Variants in ZNF91 observed in about 807,000 individuals in gnomAD.
The protein encoded by ZNF91 is zinc finger protein 91.
In ZNF91, 7 loss-of-function variants were observed where a neutral mutation model predicts 12.6. That is an observed-to-expected ratio of 0.55 (90% CI 0.31 to 1.04). The LOEUF is 1.04. Among genes scored for constraint, ZNF91 ranks in the 50% least tolerant of loss-of-function variants. ZNF91 has a pLI of 0.05. For synonymous variants in ZNF91, 453 were observed against 462.6 expected, an observed-to-expected ratio of 0.98 and a Z score of 0.27; for missense variants, 1,217 against 1,385.4, an observed-to-expected ratio of 0.88 and a Z score of 1.93.
downstream of ZNF91, chr19:23,338,632 C>A (rs1968060676): frequency 6.7e-6 from 1 of 150,320 alleles, no homozygotes; most frequent in Non-Finnish European, 1.5e-5. Flanking sequence ...CACAACATGA[C>A]AGAATTTTAT....
chr19:23,315,375 G>C (rs1449948135), upstream of ZNF91, among the ~76,000 whole-genome samples: 1 of 152,180 alleles, frequency 6.6e-6, no homozygotes, highest in Non-Finnish European at 1.5e-5. Context: ...TCTGCCCATA[G>C]AAGAGATAGT....
chr19:23,324,527 A>ATATACG (rs1344222213), intron 1 of ZNF91: 2 of 151,260 alleles, frequency 1.3e-5, no homozygotes, highest in East Asian at 1.9e-4. Flanking sequence ...GTATATATAT[A>ATATACG]TATATACGTA....
intron 3 of ZNF91, among the ~76,000 whole-genome samples, chr19:23,348,065 T>A (rs1328462698): frequency 2.6e-5 from 4 of 152,150 alleles, no homozygotes; most frequent in African/African-American, 9.7e-5. Flanking sequence ...CATCTCTATA[T>A]CCTTAGGTAT....
chr19:23,345,208 G>C (rs896138133), intron 3 of ZNF91, among the ~76,000 whole-genome samples: 16 of 152,124 alleles, frequency 1.1e-4, no homozygotes, highest in African/African-American at 3.6e-4. Flanking sequence ...CAGCTTCCCA[G>C]GATGGTCCCC....
downstream of ZNF91, among the ~76,000 whole-genome samples, chr19:23,336,004 A>G (rs755520053): frequency 6.6e-6 from 1 of 152,224 alleles, no homozygotes; most frequent in Non-Finnish European, 1.5e-5. Flanking sequence ...TTCATAAATG[A>G]TAATTGTAGG....
intron 3 of ZNF91, among the ~76,000 whole-genome samples, chr19:23,348,774 C>T (rs1178636180): frequency 6.6e-6 from 1 of 152,156 alleles, no homozygotes; most frequent in Non-Finnish European, 1.5e-5. Context: ...CTGCAGAATA[C>T]AGCCATATTT....
chr19:23,385,737 T>G (rs1969847116), intron 1 of ZNF91, among the ~76,000 whole-genome samples: 1 of 152,228 alleles, frequency 6.6e-6, no homozygotes, highest in East Asian at 1.9e-4. Context: ...TTCTATATAT[T>G]GCTTGGGCTC....
upstream of ZNF91, among the ~76,000 whole-genome samples, chr19:23,313,779 G>A (rs1320080970): frequency 6.6e-6 from 1 of 152,148 alleles, no homozygotes; most frequent in East Asian, 1.9e-4. Context: ...TTCACAGGTG[G>A]GTTGGTGAAT....
chr19:23,393,093 T>C (rs936884729), intron 1 of ZNF91, among the ~76,000 whole-genome samples: 1 of 151,962 alleles, frequency 6.6e-6, no homozygotes, highest in Non-Finnish European at 1.5e-5. Context: ...CTGGGTATTT[T>C]TTTTCTAGAA....
Position 23,395,367 on chromosome 19 carries a change from T to G in ZNF91, c.-13A>C, listed in dbSNP as rs757305935. On this transcript the variant is annotated 5_prime_UTR_variant, in exon 1 of 4. Transcript: ENST00000300619. The stretch of plus-strand genomic sequence containing the variant: ...GGGTTCCTGGCATCTTAGCTGTGGC[T>G]CTCCAATACCTGCAGGTCACAGGGC... 6.2e-7 allele frequency: 1 copy of G among 1,613,554 alleles called. No homozygotes were observed. Among genetic ancestry groups the G allele is most frequent in the African/African-American group, 1.3e-5 (1 of 74,828 alleles).
intron 1 of ZNF91, among the ~76,000 whole-genome samples, chr19:23,376,393 T>C (rs1366958061): frequency 6.7e-6 from 1 of 150,180 alleles, no homozygotes; most frequent in Non-Finnish European, 1.5e-5. Flanking sequence ...TTTTTTTTTC[T>C]CTTTTTTTTT....
chr19:23,378,082 G>A (rs1337177850), intron 1 of ZNF91, among the ~76,000 whole-genome samples: 1 of 152,142 alleles, frequency 6.6e-6, no homozygotes, highest in East Asian at 1.9e-4. Flanking sequence ...TGTGACTTGT[G>A]AATCAACTAC....
intron 1 of ZNF91, chr19:23,328,068 T>C (rs1030193370): frequency 6.6e-6 from 1 of 152,208 alleles, no homozygotes; most frequent in African/African-American, 2.4e-5. Context: ...TTTTTTACTT[T>C]TACAGATCTG....
At chr19:23,381,461 T>G (rs1248508177) in intron 1 of ZNF91, among the ~76,000 whole-genome samples, 3 of 141,146 alleles carry the variant, frequency 2.1e-5, no homozygotes, top group Non-Finnish European at 3.1e-5. Flanking sequence ...TTTTTCTTTC[T>G]CTTTTTTTTT....
intron 1 of ZNF91, 58 bp from the exon 2 acceptor site, chr19:23,374,822 T>C (rs1317277647): frequency 6.3e-7 from 1 of 1,588,832 alleles, no homozygotes; most frequent in Non-Finnish European, 8.6e-7. Context: ...GAATTTTTCA[T>C]TTGACTCAAG....
intron 1 of ZNF91, among the ~76,000 whole-genome samples, chr19:23,331,201 T>C (rs1479421444): frequency 6.6e-6 from 1 of 152,212 alleles, no homozygotes; most frequent in Non-Finnish European, 1.5e-5. Context: ...TATGGCTGTC[T>C]TCTGTATATG....
intron 1 of ZNF91, among the ~76,000 whole-genome samples, chr19:23,316,352 G>T (rs1429959637): frequency 6.6e-6 from 1 of 152,178 alleles, no homozygotes; most frequent in Non-Finnish European, 1.5e-5. Flanking sequence ...TTACAGGGAA[G>T]ATTGTGACAT....
chr19:23,391,389 A>G (rs752804109), intron 1 of ZNF91, among the ~76,000 whole-genome samples: 13 of 152,304 alleles, frequency 8.5e-5, no homozygotes, highest in Non-Finnish European at 1.9e-4. Flanking sequence ...TTATCCTAAG[A>G]ACATGCTGAC....
rs554724163 is a variant in ZNF91 at position 23,365,759 on chromosome 19, A to G, written c.254-3034T>C. 3.1e-3 allele frequency among the ~76,000 whole-genome samples: 473 copies of G among 152,036 alleles called. 2 individuals are homozygous for G. Among genetic ancestry groups the G allele is most frequent in the South Asian group, 0.011 (51 of 4,786 alleles). ...CCCTGGGTACTTGAGATTAGGGAGT[A>G]GTGATGACTCTTAACGAGCATGCTG... On this transcript the variant is annotated intron_variant, in intron 3 of 3. Transcript: ENST00000300619.
Sources: allele counts gnomAD v4.1 joint callset (sites outside exome capture counted in the v4.1 genomes callset), GRCh38; gene constraint gnomAD v4.1.1; transcripts MANE v1.5; gene names NCBI Gene and HGNC (gene_info 2026-07-23, HGNC 2026-07-21).